Variants in LEMD3 observed in about 807,000 individuals in gnomAD.
LEMD3 encodes the protein inner nuclear membrane protein Man1.
A neutral mutation model predicts 95.2 loss-of-function variants in LEMD3; 33 were observed. The observed-to-expected ratio is 0.35, with a 90% CI of 0.26 to 0.46. LEMD3 has a LOEUF of 0.46. Ranked by LOEUF, LEMD3 falls within the 20% of genes least tolerant of loss-of-function variation. LEMD3 has a pLI of 1.00. For missense variants in LEMD3, 1,210 were observed against 1,192.8 expected, an observed-to-expected ratio of 1.01 and a Z score of -0.21; for synonymous variants, 525 against 474.6, an observed-to-expected ratio of 1.11 and a Z score of -1.38.
chr12:65,204,401 G>C (rs146746603), intron 1 of LEMD3, among the ~76,000 whole-genome samples: 2 of 152,126 alleles, frequency 1.3e-5, no homozygotes, highest in East Asian at 3.9e-4. Context: ...TCATCATTCA[G>C]CTCCCACTTA....
intron 1 of LEMD3, among the ~76,000 whole-genome samples, chr12:65,200,304 T>TCTG (rs1376878792): frequency 6.6e-6 from 1 of 152,112 alleles, no homozygotes; most frequent in Non-Finnish European, 1.5e-5. Flanking sequence ...CCCAGAAAAT[T>TCTG]CTGTAACCAG....
chr12:65,184,946 T>C (rs11175667), intron 1 of LEMD3, among the ~76,000 whole-genome samples: 146,912 of 152,158 alleles, frequency 0.97, 71,119 homozygotes, highest in East Asian at 1. Flanking sequence ...TTTACTAAGT[T>C]CCAACTCCCC....
chr12:65,185,415 C>G (rs1371760364), intron 1 of LEMD3, among the ~76,000 whole-genome samples: 2 of 151,920 alleles, frequency 1.3e-5, no homozygotes, highest in East Asian at 1.9e-4. Context: ...GGAACTGTGC[C>G]CATTATAAAG....
chr12:65,203,851 T>C (rs1022223304), intron 1 of LEMD3, among the ~76,000 whole-genome samples: 2 of 152,212 alleles, frequency 1.3e-5, no homozygotes, highest in African/African-American at 4.8e-5. Context: ...TTATGTCTTC[T>C]TAGAGAATTG....
chr12:65,171,041 G>A lies in LEMD3; in HGVS notation c.1445G>A (p.Cys482Tyr). The A allele has an allele frequency of 1.2e-6, 2 of 1,614,172 alleles. No individual in the cohort carries two copies. The highest frequency in any genetic ancestry group is 1.7e-6 in the Non-Finnish European group (2 of 1,180,038). The change falls in exon 1 of 13, where the codon TGC becomes TAC. Residue 482 changes from cysteine (C) to tyrosine (Y), a missense_variant. By Grantham distance (194) the Cys-to-Tyr change is radical. Transcript: ENST00000308330. ...TCGATGTTTCTCTTAACTGCTGCCT[G>A]CTTATTTTTCCTAATACTGGGACTG... ...YLSMFLLTAA[C>Y]LFFLILGLTY... is the part of the protein sequence containing the mutation.
chr12:65,220,535 A>G (rs957507501), intron 4 of LEMD3, among the ~76,000 whole-genome samples: 3 of 150,126 alleles, frequency 2.0e-5, no homozygotes, highest in African/African-American at 7.3e-5. Context: ...CACTGTATTC[A>G]CTGTTTTTTT....
rs577898463 is a variant in LEMD3 at position 65,190,112 on chromosome 12, G to A, written c.1522+18994G>A. On this transcript the variant is annotated intron_variant, in intron 1 of 12. Transcript: ENST00000308330. ...TGTACATTTTCAAATATGACTTTCC[G>A]GTCAAAAGCCTTGGTATTATAACCA... 1.7e-4 allele frequency among the ~76,000 whole-genome samples: 26 copies of A among 152,134 alleles called. No homozygotes were observed. The East Asian group carries it at 2.9e-3, about 17-fold the overall frequency.
chr12:65,242,731 C>A (rs553356752), intron 9 of LEMD3, among the ~76,000 whole-genome samples: 1 of 152,222 alleles, frequency 6.6e-6, no homozygotes, highest in East Asian at 1.9e-4. Context: ...ATAATAATAA[C>A]CTTCTAACTG....
At chr12:65,238,218 T>C (rs2136353500) in intron 4 of LEMD3, among the ~76,000 whole-genome samples, 1 of 152,268 alleles carries the variant, frequency 6.6e-6, no homozygotes, top group African/African-American at 2.4e-5. Flanking sequence ...GGGGCTGCAG[T>C]GAGCCAAAAT....
chr12:65,228,199 G>T (rs527412202), intron 4 of LEMD3, among the ~76,000 whole-genome samples: 1 of 152,142 alleles, frequency 6.6e-6, no homozygotes, highest in African/African-American at 2.4e-5. Context: ...CACAGATGCG[G>T]GGTTGGGGTA....
intron 2 of LEMD3, among the ~76,000 whole-genome samples, chr12:65,213,514 C>G (rs7314763): frequency 6.6e-6 from 1 of 152,058 alleles, no homozygotes. Context: ...TGTGAGCCAC[C>G]GCACCCGGCC....
intron 1 of LEMD3, among the ~76,000 whole-genome samples, chr12:65,191,919 C>T (rs1314570528): frequency 1.3e-3 from 95 of 72,640 alleles, no homozygotes; most frequent in South Asian, 4.2e-3. Context: ...AGCCAGACTC[C>T]GTCTCAAAAA....
At chr12:65,179,942 T>C (rs181199735) in intron 1 of LEMD3, among the ~76,000 whole-genome samples, 137 of 152,272 alleles carry the variant, frequency 9.0e-4, no homozygotes, top group Non-Finnish European at 1.6e-3. Context: ...ACATAGATTT[T>C]ATTTATTTTT....
chr12:65,245,352 G>T (rs1871073298), intron 10 of LEMD3: 1 of 285,916 alleles, frequency 3.5e-6, no homozygotes, highest in African/African-American at 2.3e-5. Context: ...TGTTAGTCAG[G>T]ATGGTCTCGA....
intron 3 of LEMD3, among the ~76,000 whole-genome samples, chr12:65,217,032 C>T (rs1244246551): frequency 1.3e-5 from 2 of 152,166 alleles, no homozygotes; most frequent in Admixed American, 1.3e-4. Flanking sequence ...ATATTGCTAA[C>T]ACAAGCTTCT....
intron 1 of LEMD3, among the ~76,000 whole-genome samples, chr12:65,209,687 A>G (rs1006297695): frequency 3.3e-5 from 5 of 151,940 alleles, no homozygotes; most frequent in African/African-American, 1.2e-4. Flanking sequence ...AACCCTTTTG[A>G]TGTATAGAGA....
chr12:65,170,444 G>A lies in LEMD3; in HGVS notation c.848G>A (p.Arg283Gln), dbSNP rs747757104. 1.9e-6 allele frequency: 3 copies of A among 1,613,748 alleles called. No individual in the cohort carries two copies. Among genetic ancestry groups the A allele is most frequent in the East Asian group, 2.2e-5 (1 of 44,846 alleles). Residue 283 changes from arginine (R) to glutamine (Q), a missense_variant, in exon 1 of 13, where the codon CGG becomes CAG. Physicochemically the swap from Arg to Gln is conservative, Grantham distance 43 (BLOSUM62 1). This residue lies in a region of LEMD3 where 749 missense variants were observed against 622.9 expected (regional missense o/e 1.20). Coordinates refer to ENST00000308330, the MANE Select transcript of LEMD3 (RefSeq NM_014319.5). The stretch of plus-strand genomic sequence containing the variant: ...GTATTAAAGGACGACTCCCTTTCCC[G>A]GCATCGGCCCAGACGAACCCATAGT... ...RQVLKDDSLSRHRPRRTHSKP... is the reference protein window; with the variant it reads ...RQVLKDDSLSQHRPRRTHSKP...
chr12:65,232,235 A>T (rs1432193500), intron 4 of LEMD3, among the ~76,000 whole-genome samples: 1 of 152,160 alleles, frequency 6.6e-6, no homozygotes, highest in Non-Finnish European at 1.5e-5. Context: ...GTTGATATCA[A>T]ACAAGGATTA....
chr12:65,184,039 TGAA>T (rs761020673), intron 1 of LEMD3, among the ~76,000 whole-genome samples: 2 of 152,214 alleles, frequency 1.3e-5, no homozygotes, highest in African/African-American at 2.4e-5. Flanking sequence ...TTTGTCTGGA[TGAA>T]GAAGTTTTCT....
Sources: allele counts gnomAD v4.1 joint callset (sites outside exome capture counted in the v4.1 genomes callset), GRCh38; gene constraint gnomAD v4.1.1; regional missense constraint gnomAD v4.1.1; transcripts MANE v1.5; gene names NCBI Gene and HGNC (gene_info 2026-07-23, HGNC 2026-07-21).